RSPO2: variants seen among roughly 807,000 people sequenced by gnomAD.
RSPO2 encodes the protein R-spondin 2, also known as R-spondin-2.
RSPO2 carries 14 observed loss-of-function variants against 30.9 expected under a neutral mutation model. The observed-to-expected ratio is 0.45, with a 90% confidence interval of 0.30 to 0.71. The LOEUF is 0.71. RSPO2 is among the 30% of genes least tolerant of loss of function. The pLI is 0.08. For missense variants in RSPO2, 264 were observed against 301.9 expected (o/e 0.87, Z 0.93); for synonymous variants, 107 against 96.4 (o/e 1.11, Z -0.64).
At chr8:107,944,090 T>C (rs1159215811) in intron 5 of RSPO2, among the ~76,000 whole-genome samples, 6 of 152,242 alleles carry the variant, frequency 3.9e-5, no homozygotes, top group Non-Finnish European at 8.8e-5. Context: ...GTCTTTTGTA[T>C]ATTTTCTAAG....
intron 2 of RSPO2, among the ~76,000 whole-genome samples, chr8:107,998,196 A>AG (rs934388555): frequency 2.6e-5 from 4 of 151,958 alleles, no homozygotes; most frequent in Admixed American, 2.0e-4. Context: ...TATTTAAGGA[A>AG]GAAAAAAAAA....
chr8:108,055,357 G>A (rs1812211698), intron 2 of RSPO2, among the ~76,000 whole-genome samples: 1 of 152,176 alleles, frequency 6.6e-6, no homozygotes, highest in African/African-American at 2.4e-5. Flanking sequence ...ACAGGTCACA[G>A]AGAGGCTTCC....
chr8:108,044,146 G>T (rs1811839132), intron 2 of RSPO2, among the ~76,000 whole-genome samples: 1 of 142,080 alleles, frequency 7.0e-6, no homozygotes. Context: ...CACTGATTCT[G>T]TTGTCTGAAA....
At chr8:108,039,808 G>A (rs910479942) in intron 2 of RSPO2, among the ~76,000 whole-genome samples, 9 of 152,034 alleles carry the variant, frequency 5.9e-5, no homozygotes, top group Non-Finnish European at 1.2e-4. Flanking sequence ...ACCTAACCCC[G>A]AATGTGATGG....
intron 3 of RSPO2, among the ~76,000 whole-genome samples, chr8:107,976,337 C>T (rs1814210243): frequency 6.6e-6 from 1 of 152,184 alleles, no homozygotes; most frequent in African/African-American, 2.4e-5. Flanking sequence ...AGAGAGAATC[C>T]TAGATCCTGT....
chr8:108,032,195 GA>G (rs1208484267), intron 2 of RSPO2, among the ~76,000 whole-genome samples: 2 of 152,172 alleles, frequency 1.3e-5, no homozygotes, highest in Non-Finnish European at 2.9e-5. Context: ...AATAGAAAAG[GA>G]AAGCAGAGAA....
chr8:107,940,187 T>C (rs937570111), intron 5 of RSPO2, among the ~76,000 whole-genome samples: 1 of 152,154 alleles, frequency 6.6e-6, no homozygotes. Context: ...TGCTGAGGGC[T>C]AGTTCTTAAA....
At chr8:108,078,121 T>C (rs1813070940) in intron 2 of RSPO2, among the ~76,000 whole-genome samples, 1 of 152,176 alleles carries the variant, frequency 6.6e-6, no homozygotes, top group Non-Finnish European at 1.5e-5. Flanking sequence ...TCTGTGAATA[T>C]TGGATTCTAG....
At chr8:107,924,972 A>G (rs1812310687) in intron 5 of RSPO2, among the ~76,000 whole-genome samples, 1 of 152,110 alleles carries the variant, frequency 6.6e-6, no homozygotes, top group Non-Finnish European at 1.5e-5. Context: ...ATAAAATATC[A>G]GTATATACAA....
chr8:107,993,470 A>G (rs1814917687), intron 2 of RSPO2, among the ~76,000 whole-genome samples: 1 of 152,206 alleles, frequency 6.6e-6, no homozygotes, highest in Non-Finnish European at 1.5e-5. Flanking sequence ...ACAGATACAA[A>G]AAAGAGCATG....
chr8:108,073,029 G>T (rs1210167018), intron 2 of RSPO2: 3 of 152,172 alleles, frequency 2.0e-5, no homozygotes, highest in Admixed American at 6.5e-5. Flanking sequence ...GAATCTACCT[G>T]CATGTTAATT....
chr8:108,077,597 A>G (rs1586683676), intron 2 of RSPO2, among the ~76,000 whole-genome samples: 1 of 151,972 alleles, frequency 6.6e-6, no homozygotes, highest in East Asian at 1.9e-4. Flanking sequence ...CCGATCCTCC[A>G]TAATTATACT....
chr8:107,990,938 A>G lies in RSPO2; in HGVS notation c.95-1694T>C, dbSNP rs191424347. On this transcript the variant is annotated intron_variant, in intron 2 of 5. Coordinates refer to ENST00000276659, the MANE Select transcript of RSPO2 (RefSeq NM_178565.5). Reference sequence around the variant, plus strand: ...GATCTTTGACAAACCTGACCAAAACAAGCAATGAGGGGCTGGGTGCGGTGG... The same window carrying G: ...GATCTTTGACAAACCTGACCAAAACGAGCAATGAGGGGCTGGGTGCGGTGG... Among the ~76,000 whole-genome samples the G allele has an allele frequency of 3.6e-4, 55 of 152,182 alleles. No individual in the cohort carries two copies. The East Asian group carries it at 0.01, about 29-fold the overall frequency.
intron 2 of RSPO2, among the ~76,000 whole-genome samples, chr8:108,043,065 G>C (rs1811804608): frequency 6.6e-6 from 1 of 152,118 alleles, no homozygotes; most frequent in Non-Finnish European, 1.5e-5. Flanking sequence ...TATTGGATGG[G>C]GAAGAGGCAT....
chr8:108,069,199 GAACA>G (rs1467006641), intron 2 of RSPO2, among the ~76,000 whole-genome samples: 1 of 130,038 alleles, frequency 7.7e-6, no homozygotes, highest in African/African-American at 3.3e-5. Flanking sequence ...ATGTATGTGT[GAACA>G]CACACACACA....
chr8:107,906,221 C>T (rs1302943502), intron 5 of RSPO2, among the ~76,000 whole-genome samples: 2 of 151,936 alleles, frequency 1.3e-5, no homozygotes, highest in East Asian at 3.9e-4. Context: ...AAGATTCATG[C>T]ACAGGGATCT....
At chr8:107,997,700 C>T (rs556048539) in intron 2 of RSPO2, among the ~76,000 whole-genome samples, 4 of 152,282 alleles carry the variant, frequency 2.6e-5, no homozygotes, top group Admixed American at 2.6e-4. Flanking sequence ...AAAAAAGCAG[C>T]ATAGGTATTA....
At chr8:108,074,154 G>A (rs1036455067) in intron 2 of RSPO2, among the ~76,000 whole-genome samples, 4 of 152,152 alleles carry the variant, frequency 2.6e-5, no homozygotes, top group Non-Finnish European at 5.9e-5. Flanking sequence ...AAACAAATGT[G>A]CTAAACTGGG....
chr8:107,983,787 T>G, intron 3 of RSPO2: 1 of 1,602,112 alleles, frequency 6.2e-7, no homozygotes, highest in Non-Finnish European at 8.5e-7. Flanking sequence ...TGTAGAAACA[T>G]CAGAGTTATG....
Sources: allele counts gnomAD v4.1 joint callset (sites outside exome capture counted in the v4.1 genomes callset), GRCh38; gene constraint gnomAD v4.1.1; transcripts MANE v1.5; gene names NCBI Gene and HGNC (gene_info 2026-07-23, HGNC 2026-07-21).